The following ARMC10 variants were observed in gnomAD, a reference collection of about 807,000 sequenced individuals.
ARMC10 encodes the protein armadillo repeat containing 10, also known as armadillo repeat-containing protein 10.
ARMC10 carries 23 observed loss-of-function variants against 30.2 expected under a neutral mutation model. That is an observed-to-expected ratio of 0.76 (90% CI 0.55 to 1.08). ARMC10 has a LOEUF of 1.08. Ranked by LOEUF, ARMC10 falls within the 50% of genes least tolerant of loss-of-function variation. ARMC10 has a pLI of 0.00. For missense variants in ARMC10, 303 were observed against 413.7 expected (o/e 0.73, Z 2.32); for synonymous variants, 111 against 164.4 (o/e 0.68, Z 2.48).
Position 103,099,405 on chromosome 7 carries a change from A to G in ARMC10, c.*852A>G. ...AGAATTGCTTGAACCCGGGAGGCAGAGGTTGCAGTGAGCTGAGATAGCGCC... is the reference window on the plus strand; with the variant it reads ...AGAATTGCTTGAACCCGGGAGGCAGGGGTTGCAGTGAGCTGAGATAGCGCC... On this transcript the variant is annotated 3_prime_UTR_variant, in exon 7 of 7. Transcript: ENST00000323716. 7.3e-6 allele frequency: 1 copy of G among 137,670 alleles called. No individual in the cohort carries two copies. The allele number at this position is 137,670 out of a possible 1,614,324, so 8.5% of individuals were successfully genotyped here.
At chr7:103,097,666 T>A (rs1801865350) in intron 6 of ARMC10, among the ~76,000 whole-genome samples, 1 of 152,230 alleles carries the variant, frequency 6.6e-6, no homozygotes, top group Non-Finnish European at 1.5e-5. Context: ...TGTATCTTAG[T>A]ATCCACTGAA....
chr7:103,083,694 A>C lies in ARMC10; in HGVS notation c.257A>C (p.Asp86Ala), dbSNP rs780940368. ...SKTSQPEDLT[D>A]GSYDDVLNAE... ...TCTTCTTATGCAGAAGACTTAACTG[A>C]TGGTTCATATGATGATGTTCTAAAT... Residue 86 changes from aspartate (D) to alanine (A), a missense_variant, in exon 3 of 7, where the codon GAT (aspartate) becomes GCT (alanine). Coordinates refer to ENST00000323716, the MANE Select transcript of ARMC10 (RefSeq NM_031905.5). 2 of 1,610,592 alleles carry C rather than the reference A, an allele frequency of 1.2e-6. No individual in the cohort carries two copies. The highest frequency in any genetic ancestry group is 1.3e-5 in the African/African-American group (1 of 74,810).
chr7:103,075,241 G>C lies in ARMC10; in HGVS notation c.-32G>C, dbSNP rs1799585120. On this transcript the variant is annotated 5_prime_UTR_variant, in exon 1 of 7. Coordinates refer to ENST00000323716, the MANE Select transcript of ARMC10 (RefSeq NM_031905.5). ...TGGCCCCCGCGAGCCTCCTGCCCTG[G>C]CCCGGCGCTGCGGCTCTGCCGCGGC... is the stretch of plus-strand genomic sequence containing the variant. The C allele has an allele frequency of 8.7e-7, 1 of 1,146,714 alleles. No individual in the cohort carries two copies. Among genetic ancestry groups the C allele is most frequent in the Admixed American group, 4.7e-5 (1 of 21,392 alleles). The allele number at this position is 1,146,714 out of a possible 1,614,324, so 71.0% of individuals were successfully genotyped here.
chr7:103,086,873 G>T, intron 4 of ARMC10, 109 bp downstream of exon 4: 1 of 1,535,906 alleles, frequency 6.5e-7, no homozygotes, highest in East Asian at 2.5e-5. Flanking sequence ...TTACAGCCAA[G>T]GATTACCTTT....
chr7:103,082,596 C>T (rs937288690), intron 2 of ARMC10, among the ~76,000 whole-genome samples: 1 of 152,014 alleles, frequency 6.6e-6, no homozygotes, highest in Non-Finnish European at 1.5e-5. Flanking sequence ...TCCCAAAGTG[C>T]TGGGACTACA....
chr7:103,084,779 A>C (rs896618512), intron 3 of ARMC10, among the ~76,000 whole-genome samples: 2 of 152,220 alleles, frequency 1.3e-5, no homozygotes, highest in East Asian at 1.9e-4. Context: ...GGGTTGAAAG[A>C]AAGCCACTAG....
At chr7:103,085,702 C>T (rs1800787648) in intron 3 of ARMC10, among the ~76,000 whole-genome samples, 2 of 151,386 alleles carry the variant, frequency 1.3e-5, no homozygotes, top group African/African-American at 4.9e-5. Context: ...ACTGTAACCT[C>T]CTCCCAGGTT....
chr7:103,083,607 CAG>C (rs1185681525), intron 2 of ARMC10, 73 bp from the exon 3 acceptor site: 8 of 1,337,270 alleles, frequency 6.0e-6, no homozygotes, highest in Admixed American at 3.8e-5. Context: ...GCCTGGGTGA[CAG>C]AGTGAGAGCC....
intron 4 of ARMC10, among the ~76,000 whole-genome samples, chr7:103,091,888 G>C (rs1053882020): frequency 1.3e-5 from 2 of 152,210 alleles, no homozygotes; most frequent in African/African-American, 4.8e-5. Flanking sequence ...AAAAGTCCTT[G>C]TCTGCAAGAT....
intron 4 of ARMC10, 72 bp downstream of exon 4, chr7:103,086,836 A>T: frequency 6.4e-7 from 1 of 1,561,604 alleles, no homozygotes; most frequent in South Asian, 1.2e-5. Context: ...TGAGTAATGA[A>T]ACTTTAGTAG....
chr7:103,097,016 C>T lies in ARMC10; in HGVS notation c.706-261C>T, dbSNP rs116067223. 415 of 488,538 alleles carry T rather than the reference C, an allele frequency of 8.5e-4. 5 individuals are homozygous for T. Among genetic ancestry groups the T allele is most frequent in the African/African-American group, 7.1e-3 (372 of 52,718 alleles). The allele number at this position is 488,538 out of a possible 1,614,324, so 30.3% of individuals were successfully genotyped here. Reference sequence around the variant, plus strand: ...TGCAATATTCTCTCTATCTCCCTAACGATGTAATTGGAAAAATGAGGTTTA... The same window carrying T: ...TGCAATATTCTCTCTATCTCCCTAATGATGTAATTGGAAAAATGAGGTTTA... On this transcript the variant is annotated intron_variant, in intron 5 of 6. Coordinates refer to ENST00000323716, the MANE Select transcript of ARMC10 (RefSeq NM_031905.5).
Position 103,099,720 on chromosome 7 carries a change from A to T in ARMC10, c.*1167A>T, listed in dbSNP as rs1802112185. 6.6e-6 allele frequency: 1 copy of T among 152,006 alleles called. No individual in the cohort carries two copies. Among genetic ancestry groups the T allele is most frequent in the African/African-American group, 2.4e-5 (1 of 41,400 alleles). 9.4% of individuals were successfully genotyped at this position (152,006 alleles called of 1,614,324 possible). A position where few individuals can be genotyped will look rare whatever the true frequency, so the allele number is the denominator to read the frequency against. ...TGTTTGAATTTTTTAATATGAGCCCAAATTGTATAATCTTTTTTTAATAAA... is the reference window on the plus strand; with the variant it reads ...TGTTTGAATTTTTTAATATGAGCCCTAATTGTATAATCTTTTTTTAATAAA... On this transcript the variant is annotated 3_prime_UTR_variant, in exon 7 of 7. Coordinates refer to ENST00000323716, the MANE Select transcript of ARMC10 (RefSeq NM_031905.5).
rs765812344 is a variant in ARMC10, at chr7:103,092,491, A to G, written c.543A>G (p.Gln181=). 5 of 1,585,596 alleles carry G rather than the reference A, an allele frequency of 3.2e-6. No individual in the cohort carries two copies. Among genetic ancestry groups the G allele is most frequent in the Non-Finnish European group, 3.5e-6 (4 of 1,157,640 alleles). ...NQIKIKIYIS[Q]VCEDVFSGPL... is the part of the protein sequence containing the mutation. ...CCTGCCTTCAGATATACATCAGTCA[A>G]GTATGTGAGGATGTCTTCTCTGGTC... Residue 181 remains glutamine (Q), a synonymous_variant, in exon 5 of 7, where the codon CAA becomes CAG. Transcript: ENST00000323716.
intron 2 of ARMC10, among the ~76,000 whole-genome samples, chr7:103,080,441 GA>G (rs1800277799): frequency 6.6e-6 from 1 of 151,918 alleles, no homozygotes; most frequent in African/African-American, 2.4e-5. Context: ...TTTTAGTAGA[GA>G]CGGGGTTTCA....
At chr7:103,086,489 T>C in intron 3 of ARMC10, 141 bp from the exon 4 acceptor site, 1 of 871,254 alleles carries the variant, frequency 1.1e-6, no homozygotes, top group Non-Finnish European at 1.7e-6. Context: ...TTTTAAAATA[T>C]GAATTAAATA....
chr7:103,078,640 A>C (rs923953281), intron 2 of ARMC10, among the ~76,000 whole-genome samples: 1 of 152,130 alleles, frequency 6.6e-6, no homozygotes, highest in Non-Finnish European at 1.5e-5. Flanking sequence ...TAGATTTCAG[A>C]AGATGATCTT....
intron 6 of ARMC10, 26 bp downstream of exon 6, chr7:103,097,374 T>C (rs375417770): frequency 1.4e-5 from 21 of 1,484,074 alleles, no homozygotes; most frequent in Non-Finnish European, 2.0e-5. Context: ...ATTTATTTTG[T>C]AAATATACAC....
At chr7:103,098,068 C>T (rs1165741922) in intron 6 of ARMC10, among the ~76,000 whole-genome samples, 1 of 152,092 alleles carries the variant, frequency 6.6e-6, no homozygotes, top group African/African-American at 2.4e-5. Flanking sequence ...GAAACACTCC[C>T]TTTTTTCCAT....
At chr7:103,086,580 A>G (rs1474888852) in intron 3 of ARMC10, 50 bp from the exon 4 acceptor site, 3 of 1,539,652 alleles carry the variant, frequency 1.9e-6, no homozygotes, top group Non-Finnish European at 2.6e-6. Context: ...GTGAACGGAG[A>G]TGCATACTGA....
Sources: allele counts gnomAD v4.1 joint callset (sites outside exome capture counted in the v4.1 genomes callset), GRCh38; gene constraint gnomAD v4.1.1; transcripts MANE v1.5; gene names NCBI Gene and HGNC (gene_info 2026-07-23, HGNC 2026-07-21).